ACVR1C: variants seen among roughly 807,000 people sequenced by gnomAD.
ACVR1C encodes activin receptor type-1C.
A neutral mutation model predicts 57.9 loss-of-function variants in ACVR1C; 23 were observed. That is an observed-to-expected ratio of 0.40 (90% confidence interval 0.29 to 0.56). The LOEUF (loss-of-function observed/expected upper bound fraction) is 0.56, where lower values mean the gene tolerates loss of function less well. ACVR1C is among the 20% of genes least tolerant of loss of function. The pLI is 0.50. For missense variants in ACVR1C, 480 were observed against 607.9 expected, an observed-to-expected ratio of 0.79 and a Z score of 2.21; for synonymous variants, 214 against 215.3, an observed-to-expected ratio of 0.99 and a Z score of 0.05.
intron 8 of ACVR1C, 95 bp downstream of exon 8, chr2:157,538,478 A>T (rs1275155830): frequency 5.8e-6 from 7 of 1,198,392 alleles, no homozygotes; most frequent in Non-Finnish European, 7.7e-6. Context: ...ACATATATGG[A>T]ATGAATTGGA....
At chr2:157,538,527 C>A (rs1687540712) in intron 8 of ACVR1C, 46 bp downstream of exon 8, 1 of 1,479,788 alleles carries the variant, frequency 6.8e-7, no homozygotes, top group Non-Finnish European at 9.0e-7. Flanking sequence ...CCGATACTCA[C>A]CTCAAAAATA....
chr2:157,557,625 T>C (rs964686025), intron 2 of ACVR1C, among the ~76,000 whole-genome samples: 2 of 152,170 alleles, frequency 1.3e-5, no homozygotes, highest in Non-Finnish European at 2.9e-5. Flanking sequence ...GCCTGACACA[T>C]AGTAGATGAT....
Position 157,553,964 on chromosome 2 carries a change from C to G in ACVR1C, c.544+2129G>C, listed in dbSNP as rs962851536. Among the ~76,000 whole-genome samples the G allele has an allele frequency of 3.3e-5, 5 of 151,932 alleles. No homozygotes were observed. The South Asian group carries it at 8.3e-4, about 25-fold the overall frequency. On this transcript the variant is annotated intron_variant, in intron 3 of 8. Coordinates refer to ENST00000243349, the MANE Select transcript of ACVR1C (RefSeq NM_145259.3). The stretch of plus-strand genomic sequence containing the variant: ...TTGGGTGGCCAAGGCAGGCAGATCA[C>G]TTGAGTTCAGGAGTTTGAGACCAGC...
chr2:157,545,761 C>T (rs111300396), intron 4 of ACVR1C, among the ~76,000 whole-genome samples: 2,149 of 152,040 alleles, frequency 0.014, 44 homozygotes, highest in African/African-American at 0.049. Flanking sequence ...ATTATTATTA[C>T]TATTATTTTA....
chr2:157,543,381 C>A (rs768760322), intron 5 of ACVR1C, among the ~76,000 whole-genome samples: 3 of 151,922 alleles, frequency 2.0e-5, no homozygotes, highest in Admixed American at 6.6e-5. Context: ...GTATGAAAAT[C>A]CAGACATTAA....
intron 1 of ACVR1C, among the ~76,000 whole-genome samples, chr2:157,613,458 T>G (rs1052727479): frequency 6.6e-6 from 1 of 150,980 alleles, no homozygotes; most frequent in African/African-American, 2.4e-5. Flanking sequence ...GTGTTTTTTT[T>G]CCAAATATTT....
At chr2:157,572,461 A>G (rs906165879) in intron 2 of ACVR1C, among the ~76,000 whole-genome samples, 3 of 152,146 alleles carry the variant, frequency 2.0e-5, no homozygotes, top group Non-Finnish European at 2.9e-5. Flanking sequence ...CTTGGAAAAA[A>G]CTGATGTGAA....
chr2:157,580,157 ATAC>A (rs1300392437), intron 2 of ACVR1C, among the ~76,000 whole-genome samples: 2 of 152,064 alleles, frequency 1.3e-5, no homozygotes, highest in East Asian at 3.9e-4. Flanking sequence ...CCAGTCATAT[ATAC>A]TACAAGTATT....
rs1209076735 is a variant in ACVR1C at position 157,529,724 on chromosome 2, TA to T, written c.*4193del. ...AAGAGTTATTTTTAAAATTAGGAAC[TA>T]ATGATAATGTTGAAAGATAGTGAGG... On this transcript the variant is annotated 3_prime_UTR_variant, in exon 9 of 9. Transcript: ENST00000243349. 1 of 151,790 alleles carries T rather than the reference TA, an allele frequency of 6.6e-6. No homozygotes were observed. Among genetic ancestry groups the T allele is most frequent in the African/African-American group, 2.4e-5 (1 of 41,336 alleles). 9.4% of individuals were successfully genotyped at this position (151,790 alleles called of 1,614,324 possible).
intron 2 of ACVR1C, among the ~76,000 whole-genome samples, chr2:157,562,649 C>T (rs1410514173): frequency 6.6e-6 from 1 of 151,978 alleles, no homozygotes; most frequent in African/African-American, 2.4e-5. Flanking sequence ...GATACCAAAA[C>T]CTGGCAGAGA....
intron 2 of ACVR1C, among the ~76,000 whole-genome samples, chr2:157,585,189 C>T (rs1406484764): frequency 6.6e-6 from 1 of 152,280 alleles, no homozygotes; most frequent in African/African-American, 2.4e-5. Flanking sequence ...AAAATGTGTG[C>T]ATTTTAAATG....
chr2:157,539,262 G>T (rs1343644264), intron 7 of ACVR1C, among the ~76,000 whole-genome samples: 1 of 151,950 alleles, frequency 6.6e-6, no homozygotes, highest in Non-Finnish European at 1.5e-5. Flanking sequence ...TTAGACTTTA[G>T]AACTACTGAA....
At chr2:157,622,037 G>A (rs1682787621) in intron 1 of ACVR1C, among the ~76,000 whole-genome samples, 1 of 152,052 alleles carries the variant, frequency 6.6e-6, no homozygotes, top group South Asian at 2.1e-4. Flanking sequence ...TAGTGTTTGG[G>A]TATTCCTAGG....
chr2:157,561,427 G>T (rs1298159147), intron 2 of ACVR1C, among the ~76,000 whole-genome samples: 2 of 152,204 alleles, frequency 1.3e-5, no homozygotes, highest in African/African-American at 4.8e-5. Context: ...TGGCACCTGG[G>T]AGAAATTCCA....
intron 2 of ACVR1C, among the ~76,000 whole-genome samples, chr2:157,563,249 T>A (rs1688284848): frequency 6.6e-6 from 1 of 152,164 alleles, no homozygotes. Flanking sequence ...CTCTTTAAGC[T>A]AATAAACAAC....
intron 3 of ACVR1C, among the ~76,000 whole-genome samples, chr2:157,555,252 G>T (rs1368319407): frequency 6.6e-6 from 1 of 150,822 alleles, no homozygotes; most frequent in South Asian, 2.1e-4. Flanking sequence ...CCGAGTAGCT[G>T]GGACTACAGG....
intron 1 of ACVR1C, among the ~76,000 whole-genome samples, chr2:157,606,059 C>T (rs1203834191): frequency 6.6e-6 from 1 of 151,600 alleles, no homozygotes; most frequent in African/African-American, 2.4e-5. Flanking sequence ...TGGTATCTGT[C>T]TTTCTGTACT....
At chr2:157,559,072 C>T (rs1181633025) in intron 2 of ACVR1C, among the ~76,000 whole-genome samples, 1 of 152,140 alleles carries the variant, frequency 6.6e-6, no homozygotes, top group Non-Finnish European at 1.5e-5. Context: ...TGATCGTCAT[C>T]ATTTTTGTAA....
chr2:157,545,427 A>G (rs968918244), intron 4 of ACVR1C, among the ~76,000 whole-genome samples: 3 of 152,226 alleles, frequency 2.0e-5, no homozygotes, highest in Admixed American at 2.0e-4. Context: ...AAATCTGGGT[A>G]GTGATAAAAT....
Sources: gnomAD v4.1 joint callset for allele counts (sites outside exome capture counted in the v4.1 genomes callset) on GRCh38, gnomAD v4.1.1 for gene constraint, MANE v1.5 for transcripts, NCBI Gene and HGNC (gene_info 2026-07-23, HGNC 2026-07-21) for gene names.